The following NREP variants were observed in gnomAD, a reference collection of about 807,000 sequenced individuals.
NREP encodes neuronal regeneration related protein.
In NREP, 5 loss-of-function variants were observed where a neutral mutation model predicts 8.6. The observed-to-expected ratio is 0.58, with a 90% CI of 0.30 to 1.22. The LOEUF (loss-of-function observed/expected upper bound fraction) is 1.22. Ranked by LOEUF, NREP falls within the 50% of genes most tolerant of loss-of-function variation. The pLI is 0.07. For missense variants in NREP, 86 were observed against 82.5 expected (o/e 1.04, Z -0.17); for synonymous variants, 27 against 28.0 (o/e 0.96, Z 0.11).
chr5:111,968,915 C>T (rs1306401055), intron 2 of NREP, among the ~76,000 whole-genome samples: 1 of 152,218 alleles, frequency 6.6e-6, no homozygotes, highest in Non-Finnish European at 1.5e-5. Flanking sequence ...CACCACTCAA[C>T]CCACTGCCTC....
chr5:111,829,199 G>A (rs553255595), intron 2 of NREP, among the ~76,000 whole-genome samples: 40 of 152,302 alleles, frequency 2.6e-4, no homozygotes, highest in African/African-American at 9.6e-4. Context: ...TGTTCAACTT[G>A]TGAAGGACAT....
At chr5:111,790,986 G>C (rs1479125510) in intron 2 of NREP, among the ~76,000 whole-genome samples, 1 of 152,130 alleles carries the variant, frequency 6.6e-6, no homozygotes, top group African/African-American at 2.4e-5. Context: ...ACATATTTTG[G>C]AATATGTGCA....
intron 1 of NREP, chr5:111,756,267 T>C: frequency 1.2e-5 from 11 of 947,516 alleles, no homozygotes; most frequent in Non-Finnish European, 1.3e-5. Context: ...TTTTTGGAAA[T>C]GGCACTGCAT....
chr5:111,955,910 A>C (rs1346322285), intron 2 of NREP, among the ~76,000 whole-genome samples: 1 of 141,448 alleles, frequency 7.1e-6, no homozygotes, highest in Non-Finnish European at 1.5e-5. Flanking sequence ...GAAAAAAAAA[A>C]AAACAAAAAC....
intron 2 of NREP, among the ~76,000 whole-genome samples, chr5:111,959,893 A>G (rs1368811537): frequency 1.3e-5 from 2 of 152,048 alleles, no homozygotes; most frequent in Non-Finnish European, 2.9e-5. Context: ...TATATGTATT[A>G]TACATTTATT....
At chr5:111,960,989 T>C (rs1325571988) in intron 2 of NREP, among the ~76,000 whole-genome samples, 1 of 152,244 alleles carries the variant, frequency 6.6e-6, no homozygotes, top group East Asian at 1.9e-4. Flanking sequence ...CATAAAATGT[T>C]GACATGGTAT....
intron 2 of NREP, among the ~76,000 whole-genome samples, chr5:111,823,529 T>C (rs951029615): frequency 1.3e-5 from 2 of 152,312 alleles, no homozygotes; most frequent in East Asian, 3.9e-4. Context: ...AATAGAATGA[T>C]ATAAAGAGTT....
chr5:111,741,791 G>A (rs558931217), intron 2 of NREP, among the ~76,000 whole-genome samples: 3 of 150,378 alleles, frequency 2.0e-5, no homozygotes, highest in South Asian at 2.1e-4. Context: ...GGGGCTAAAC[G>A]AAACATGCAC....
intron 2 of NREP, among the ~76,000 whole-genome samples, chr5:111,932,859 A>G (rs1755579807): frequency 1.3e-5 from 2 of 152,046 alleles, no homozygotes; most frequent in African/African-American, 2.4e-5. Flanking sequence ...GTTAAGCCCG[A>G]AAGTCAAGTG....
At chr5:111,849,965 G>A (rs1380395207) in intron 2 of NREP, among the ~76,000 whole-genome samples, 1 of 152,276 alleles carries the variant, frequency 6.6e-6, no homozygotes. Flanking sequence ...AGGGGCCTGG[G>A]ACACTGATGA....
Position 111,919,981 on chromosome 5 carries a change from CCCCCA to C in NREP, c.135+55288_135+55292del, listed in dbSNP as rs761483327. The stretch of plus-strand genomic sequence containing the variant: ...TAATTAATAAAAAGAATACCCCCCC[CCCCCA>C]CACACACAAAGAAGTCATATGCATG... On this transcript the variant is annotated intron_variant, in intron 2 of 3. Coordinates refer to the NREP transcript ENST00000395634. Among the ~76,000 whole-genome samples the C allele has an allele frequency of 8.3e-4, 114 of 137,830 alleles. 2 individuals carry two copies. Among genetic ancestry groups the C allele is most frequent in the Admixed American group, 1.7e-3 (24 of 13,744 alleles). The allele number at this position is 137,830 out of a possible 152,430, so 90.4% of individuals were successfully genotyped here. A position where few individuals can be genotyped will look rare whatever the true frequency, so the allele number is the denominator to read the frequency against.
chr5:111,885,580 G>A (rs1398686695), intron 2 of NREP, among the ~76,000 whole-genome samples: 1 of 152,024 alleles, frequency 6.6e-6, no homozygotes, highest in African/African-American at 2.4e-5. Context: ...TATACTACAA[G>A]GCTACAGTAA....
intron 2 of NREP, among the ~76,000 whole-genome samples, chr5:111,917,730 T>C (rs1167623497): frequency 6.6e-6 from 1 of 152,204 alleles, no homozygotes; most frequent in Non-Finnish European, 1.5e-5. Flanking sequence ...GAGCTATTTA[T>C]GACAAACCCA....
At chr5:111,877,299 T>A (rs1753932526) in intron 2 of NREP, among the ~76,000 whole-genome samples, 1 of 152,216 alleles carries the variant, frequency 6.6e-6, no homozygotes, top group South Asian at 2.1e-4. Flanking sequence ...CTGTCACTTT[T>A]CAATCCTTTG....
chr5:111,862,058 C>T (rs890141613), intron 2 of NREP, among the ~76,000 whole-genome samples: 12 of 152,026 alleles, frequency 7.9e-5, no homozygotes, highest in Admixed American at 1.3e-4. Flanking sequence ...TTTATCAATA[C>T]GATTTATTAA....
At chr5:111,840,686 T>C (rs1003276320) in intron 2 of NREP, among the ~76,000 whole-genome samples, 1 of 152,134 alleles carries the variant, frequency 6.6e-6, no homozygotes, top group Non-Finnish European at 1.5e-5. Context: ...AATATTTTAT[T>C]AAATACTTAT....
intron 2 of NREP, among the ~76,000 whole-genome samples, chr5:111,850,602 G>T (rs1441025421): frequency 6.6e-6 from 1 of 151,562 alleles, no homozygotes; most frequent in African/African-American, 2.4e-5. Context: ...TTCATCTCTT[G>T]TGTCTTGTTG....
intron 2 of NREP, among the ~76,000 whole-genome samples, chr5:111,907,984 A>G (rs1450662904): frequency 6.6e-6 from 1 of 152,130 alleles, no homozygotes; most frequent in Non-Finnish European, 1.5e-5. Flanking sequence ...GTATATAAAT[A>G]TAACATAGCT....
At chr5:111,904,333 T>C (rs183813034) in intron 2 of NREP, among the ~76,000 whole-genome samples, 87 of 152,230 alleles carry the variant, frequency 5.7e-4, no homozygotes, top group Admixed American at 4.7e-3. Context: ...GATAAATAAT[T>C]GTGTGTAAAT....
Sources: gnomAD v4.1 joint callset for allele counts (sites outside exome capture counted in the v4.1 genomes callset) on GRCh38, gnomAD v4.1.1 for gene constraint, MANE v1.5 for transcripts, NCBI Gene and HGNC (gene_info 2026-07-23, HGNC 2026-07-21) for gene names.